The following PCDH9 variants were observed in gnomAD, a reference collection of about 807,000 sequenced individuals.
The protein encoded by PCDH9 is protocadherin 9.
A neutral mutation model predicts 70.6 loss-of-function variants in PCDH9; 24 were observed. That is an observed-to-expected ratio of 0.34 (90% CI 0.25 to 0.48). PCDH9 has a LOEUF of 0.48. PCDH9 is among the 20% of genes least tolerant of loss of function. PCDH9 has a pLI of 0.99. For missense variants in PCDH9, 1,281 were observed against 1,503.6 expected (o/e 0.85, Z 2.45); for synonymous variants, 562 against 558.5 (o/e 1.01, Z -0.09).
chr13:67,082,506 T>A (rs2086005557), intron 2 of PCDH9, among the ~76,000 whole-genome samples: 1 of 152,202 alleles, frequency 6.6e-6, no homozygotes, highest in Non-Finnish European at 1.5e-5. Context: ...TCTGATTGCT[T>A]CCATGTCCTG....
In PCDH9 at chr13:66,848,172, T is replaced by C. The variant is rs151023554; in HGVS notation, c.3138+55332A>G. Reference sequence around the variant, plus strand: ...TATTGCTTTTACTTAAAAGAATGATTTCCCCTCCTATTTTGCTATATTAGA... The same window carrying C: ...TATTGCTTTTACTTAAAAGAATGATCTCCCCTCCTATTTTGCTATATTAGA... On this transcript the variant is annotated intron_variant, in intron 3 of 4. Transcript: ENST00000377865. 8.8e-3 allele frequency among the ~76,000 whole-genome samples: 1,344 copies of C among 152,282 alleles called. 28 individuals are homozygous for C. Among genetic ancestry groups the C allele is most frequent in the African/African-American group, 0.03 (1,263 of 41,552 alleles).
intron 4 of PCDH9, among the ~76,000 whole-genome samples, chr13:66,335,980 T>C (rs186441808): frequency 4.6e-4 from 70 of 152,202 alleles, no homozygotes; most frequent in Non-Finnish European, 7.9e-4. Context: ...CCTGTGAGAA[T>C]AGATTGTCTA....
At chr13:66,886,382 G>A (rs2082004978) in intron 3 of PCDH9, among the ~76,000 whole-genome samples, 1 of 152,148 alleles carries the variant, frequency 6.6e-6, no homozygotes, top group Non-Finnish European at 1.5e-5. Context: ...AGGGGGCTGT[G>A]AGCATGAGTC....
intron 3 of PCDH9, among the ~76,000 whole-genome samples, chr13:66,796,909 T>C (rs1255194091): frequency 1.3e-5 from 2 of 152,112 alleles, no homozygotes; most frequent in African/African-American, 4.8e-5. Context: ...TTTTGATTTC[T>C]GTGGCAGATG....
chr13:67,180,986 CTG>C (rs1376497910), intron 2 of PCDH9, among the ~76,000 whole-genome samples: 8 of 152,120 alleles, frequency 5.3e-5, no homozygotes, highest in Non-Finnish European at 1.0e-4. Flanking sequence ...CATTTTAAAT[CTG>C]TGTCAAGAGG....
intron 3 of PCDH9, among the ~76,000 whole-genome samples, chr13:66,874,340 C>T (rs375856898): frequency 7.4e-4 from 113 of 152,232 alleles, no homozygotes; most frequent in African/African-American, 2.6e-3. Flanking sequence ...TTGGCTCTAA[C>T]TCATATTGAA....
intron 4 of PCDH9, among the ~76,000 whole-genome samples, chr13:66,533,159 C>T (rs1280383859): frequency 6.6e-6 from 1 of 152,088 alleles, no homozygotes; most frequent in Non-Finnish European, 1.5e-5. Flanking sequence ...TCACTTGAAA[C>T]GATGGTGAAA....
At chr13:66,858,176 C>G (rs2081425507) in intron 3 of PCDH9, among the ~76,000 whole-genome samples, 1 of 152,014 alleles carries the variant, frequency 6.6e-6, no homozygotes, top group Admixed American at 6.6e-5. Context: ...TTTGTTTTTT[C>G]TCTTTTGATT....
At chr13:66,842,812 A>C (rs1414763123) in intron 3 of PCDH9, among the ~76,000 whole-genome samples, 1 of 152,206 alleles carries the variant, frequency 6.6e-6, no homozygotes, top group Non-Finnish European at 1.5e-5. Flanking sequence ...GAATTGGATG[A>C]GGGTGAAGGG....
chr13:66,484,478 G>A (rs1958904445), intron 4 of PCDH9, among the ~76,000 whole-genome samples: 1 of 152,116 alleles, frequency 6.6e-6, no homozygotes, highest in Non-Finnish European at 1.5e-5. Context: ...ATTTTTACCT[G>A]GTGTTCCTTT....
At position 66,976,216 on chromosome 13, in the gene PCDH9, AGTT is replaced by A. The variant is rs567577301; in HGVS notation, c.3037-72614_3037-72612del. Among the ~76,000 whole-genome samples, 162 of 152,204 alleles carry A rather than the reference AGTT, an allele frequency of 1.1e-3. 1 individual carries two copies. The highest frequency in any genetic ancestry group is 3.8e-3 in the African/African-American group (158 of 41,548). ...TCCCCTCATTGGCAAACTACTTTTC[AGTT>A]GCATGCAGTTATTTATTTATTTTAG... On this transcript the variant is annotated intron_variant, in intron 2 of 4. Coordinates refer to ENST00000377865, the MANE Select transcript of PCDH9 (RefSeq NM_203487.3).
chr13:66,873,933 T>C (rs1365073913), intron 3 of PCDH9, among the ~76,000 whole-genome samples: 1 of 123,302 alleles, frequency 8.1e-6, no homozygotes, highest in East Asian at 2.5e-4. Context: ...TTTTTTTTTC[T>C]TTCTTTCTTT....
At chr13:66,498,356 G>T (rs2138552553) in intron 4 of PCDH9, among the ~76,000 whole-genome samples, 1 of 151,806 alleles carries the variant, frequency 6.6e-6, no homozygotes, top group African/African-American at 2.4e-5. Context: ...TGTTAGCCAG[G>T]AGCACTCTTA....
At chr13:66,718,634 G>A (rs1404047700) in intron 3 of PCDH9, among the ~76,000 whole-genome samples, 1 of 152,160 alleles carries the variant, frequency 6.6e-6, no homozygotes, top group African/African-American at 2.4e-5. Flanking sequence ...ATAATATCTA[G>A]AAAGTGTATG....
chr13:66,622,507 C>T (rs1173354170), intron 4 of PCDH9, among the ~76,000 whole-genome samples: 1 of 152,138 alleles, frequency 6.6e-6, no homozygotes, highest in East Asian at 1.9e-4. Context: ...TTTGTAAACA[C>T]ACCAATCAAC....
chr13:66,779,873 A>ATACATATGTGTG (rs375882917), intron 3 of PCDH9, among the ~76,000 whole-genome samples: 3 of 115,872 alleles, frequency 2.6e-5, no homozygotes, highest in Admixed American at 9.8e-5. Context: ...ATATACATAT[A>ATACATATGTGTG]TGTGTGTGTG....
intron 2 of PCDH9, among the ~76,000 whole-genome samples, chr13:67,183,850 A>G (rs1367011293): frequency 6.6e-6 from 1 of 152,224 alleles, no homozygotes; most frequent in African/African-American, 2.4e-5. Context: ...AAATTCAAGG[A>G]ACAAGAATTT....
At chr13:66,861,351 C>A (rs944183520) in intron 3 of PCDH9, among the ~76,000 whole-genome samples, 8 of 152,140 alleles carry the variant, frequency 5.3e-5, no homozygotes, top group African/African-American at 1.9e-4. Flanking sequence ...GTCTAAGGAA[C>A]AACTGATTGA....
intron 4 of PCDH9, among the ~76,000 whole-genome samples, chr13:66,380,518 T>A (rs553694292): frequency 7.2e-6 from 1 of 138,556 alleles, no homozygotes; most frequent in African/African-American, 2.6e-5. Context: ...GAAAAAAAAA[T>A]AGAGAATAGA....
Sources: allele counts gnomAD v4.1 joint callset (sites outside exome capture counted in the v4.1 genomes callset), GRCh38; gene constraint gnomAD v4.1.1; transcripts MANE v1.5; gene names NCBI Gene and HGNC (gene_info 2026-07-23, HGNC 2026-07-21).